Variants in RNF144A observed in about 807,000 individuals in gnomAD.
The protein encoded by RNF144A is ring finger protein 144A.
In RNF144A, 11 loss-of-function variants were observed where a neutral mutation model predicts 38.7. The observed-to-expected ratio is 0.28, with a 90% CI of 0.18 to 0.47. The LOEUF (loss-of-function observed/expected upper bound fraction) is 0.47. Among genes scored for constraint, RNF144A ranks in the 20% least tolerant of loss-of-function variants. RNF144A has a pLI of 0.99. For missense variants in RNF144A, 316 were observed against 377.2 expected, an observed-to-expected ratio of 0.84 and a Z score of 1.34; for synonymous variants, 149 against 143.9, an observed-to-expected ratio of 1.04 and a Z score of -0.25.
chr2:6,963,030 G>A lies in RNF144A; in HGVS notation c.-12+21883G>A, dbSNP rs556674173. Among the ~76,000 whole-genome samples the A allele has an allele frequency of 1.6e-4, 25 of 152,340 alleles. No homozygotes were observed. In the East Asian group the frequency reaches 1.9e-3, roughly 12 times the overall value. ...TGAAGTCGTACTTGGACTAGAATTA[G>A]GCTAAGTTATAAGTGGTGATTTGAT... On this transcript the variant is annotated intron_variant, in intron 2 of 8. Coordinates refer to ENST00000320892, the MANE Select transcript of RNF144A (RefSeq NM_014746.6).
intron 2 of RNF144A, among the ~76,000 whole-genome samples, chr2:6,969,621 C>G (rs1667874184): frequency 6.6e-6 from 1 of 152,200 alleles, no homozygotes. Context: ...CCAAAAATTC[C>G]AAAATCTGAA....
chr2:7,056,623 C>T (rs1399844619), intron 6 of RNF144A, among the ~76,000 whole-genome samples: 6 of 152,096 alleles, frequency 3.9e-5, no homozygotes, highest in Non-Finnish European at 5.9e-5. Flanking sequence ...TTCCACTTTT[C>T]GGGTTTTCAA....
intron 2 of RNF144A, among the ~76,000 whole-genome samples, chr2:6,973,459 T>C (rs982833216): frequency 2.0e-5 from 3 of 152,202 alleles, no homozygotes; most frequent in Non-Finnish European, 4.4e-5. Context: ...TAAATGCTGA[T>C]GGAAGGTGGC....
chr2:6,971,794 T>C (rs976753712), intron 2 of RNF144A, among the ~76,000 whole-genome samples: 1 of 152,172 alleles, frequency 6.6e-6, no homozygotes, highest in African/African-American at 2.4e-5. Flanking sequence ...CAACTCCCAG[T>C]TTCCAGTGAC....
At position 6,977,307 on chromosome 2, in the gene RNF144A, C is replaced by T. The variant is rs540586214; in HGVS notation, c.-11-19609C>T. Among the ~76,000 whole-genome samples, 258 of 152,336 alleles carry T rather than the reference C, an allele frequency of 1.7e-3. 1 individual carries two copies. The highest frequency in any genetic ancestry group is 3.1e-3 in the Non-Finnish European group (208 of 68,024). On this transcript the variant is annotated intron_variant, in intron 2 of 8. Coordinates refer to ENST00000320892, the MANE Select transcript of RNF144A (RefSeq NM_014746.6). The stretch of plus-strand genomic sequence containing the variant: ...GGCAGGCCCAGGGCTGGAAGCCAGG[C>T]CTCCTTGTTCCCAGGAAGGGAAAGT...
At chr2:7,013,613 T>C (rs1670953932) in intron 3 of RNF144A, among the ~76,000 whole-genome samples, 1 of 152,234 alleles carries the variant, frequency 6.6e-6, no homozygotes, top group Non-Finnish European at 1.5e-5. Flanking sequence ...CTACATCTAG[T>C]TTCTCTTGGT....
downstream of RNF144A, among the ~76,000 whole-genome samples, chr2:7,071,171 T>C (rs1674468635): frequency 1.3e-5 from 2 of 152,078 alleles, no homozygotes; most frequent in African/African-American, 4.8e-5. Flanking sequence ...CCTGACCTCA[T>C]GTGCTCCACC....
chr2:7,048,020 T>C (rs1388050675), downstream of RNF144A, among the ~76,000 whole-genome samples: 1 of 152,140 alleles, frequency 6.6e-6, no homozygotes, highest in Non-Finnish European at 1.5e-5. Flanking sequence ...GTCTCAGCCA[T>C]GTGGGGTGGT....
At chr2:7,054,419 C>T (rs533886589) in intron 6 of RNF144A, among the ~76,000 whole-genome samples, 1 of 152,234 alleles carries the variant, frequency 6.6e-6, no homozygotes, top group Admixed American at 6.5e-5. Flanking sequence ...GCAAGTCTTG[C>T]CCACACTCAG....
chr2:7,061,481 GTT>G (rs747894915), intron 6 of RNF144A, among the ~76,000 whole-genome samples: 1 of 151,898 alleles, frequency 6.6e-6, no homozygotes, highest in Non-Finnish European at 1.5e-5. Flanking sequence ...GGGTGATGAT[GTT>G]TTTTTTAATT....
chr2:6,968,559 C>T (rs1667811350), intron 2 of RNF144A, among the ~76,000 whole-genome samples: 4 of 152,320 alleles, frequency 2.6e-5, no homozygotes, highest in South Asian at 2.1e-4. Flanking sequence ...GCTGGCCCAT[C>T]GCCTGGTCTT....
chr2:7,069,332 A>G (rs1674365528), downstream of RNF144A, among the ~76,000 whole-genome samples: 1 of 152,192 alleles, frequency 6.6e-6, no homozygotes, highest in Admixed American at 6.5e-5. Context: ...TTTAGCAACA[A>G]ATTAATCCTA....
chr2:6,947,915 G>A (rs1018571864), intron 2 of RNF144A, among the ~76,000 whole-genome samples: 1 of 152,200 alleles, frequency 6.6e-6, no homozygotes, highest in Admixed American at 6.5e-5. Flanking sequence ...ATGTATTGAA[G>A]GATGGGGAAA....
rs1163911084 is a variant in RNF144A at position 6,962,013 on chromosome 2, G to A, written c.-12+20866G>A. On this transcript the variant is annotated intron_variant, in intron 2 of 8. Coordinates refer to ENST00000320892, the MANE Select transcript of RNF144A (RefSeq NM_014746.6). The surrounding 1 kb of genome is among the most constrained non-coding windows in gnomAD (Gnocchi z 4.1). ...AAGGACACGGACATACGAAGAGTGA[G>A]GTTGACAGTGGAAGTTTAATAGGTG... is the stretch of plus-strand genomic sequence containing the variant. Among the ~76,000 whole-genome samples the A allele has an allele frequency of 2.0e-5, 3 of 152,214 alleles. No individual in the cohort carries two copies. Among genetic ancestry groups the A allele is most frequent in the Non-Finnish European group, 4.4e-5 (3 of 68,038 alleles).
At chr2:7,057,183 A>C (rs1673775818) in intron 6 of RNF144A, among the ~76,000 whole-genome samples, 1 of 152,236 alleles carries the variant, frequency 6.6e-6, no homozygotes, top group Non-Finnish European at 1.5e-5. Flanking sequence ...TATATACCCT[A>C]TACAACAGAT....
At chr2:7,013,964 C>G (rs565822147) in intron 3 of RNF144A, among the ~76,000 whole-genome samples, 110 of 152,272 alleles carry the variant, frequency 7.2e-4, no homozygotes, top group African/African-American at 2.5e-3. Flanking sequence ...GCTCTGGGTA[C>G]TATTTGTGTA....
chr2:6,991,477 A>G (rs957262508), intron 2 of RNF144A, among the ~76,000 whole-genome samples: 14 of 152,178 alleles, frequency 9.2e-5, no homozygotes, highest in African/African-American at 3.1e-4. Flanking sequence ...GGTTTGTCTT[A>G]TATCTCTACA....
intron 2 of RNF144A, among the ~76,000 whole-genome samples, chr2:6,969,831 G>A (rs556071738): frequency 3.9e-5 from 6 of 152,164 alleles, no homozygotes; most frequent in East Asian, 1.9e-4. Context: ...GCATGATCTC[G>A]GCTCACTGCA....
At position 7,039,863 on chromosome 2, in the gene RNF144A, T is replaced by C; in HGVS notation, c.*103T>C. On this transcript the variant is annotated 3_prime_UTR_variant, in exon 9 of 9. Transcript: ENST00000320892. ...CACTAAACATCTTTCTTGCCTTATGTGCCCCATTGAGCTTCACAGTGTCAG... is the reference window on the plus strand; with the variant it reads ...CACTAAACATCTTTCTTGCCTTATGCGCCCCATTGAGCTTCACAGTGTCAG... 1 of 1,511,240 alleles carries C rather than the reference T, an allele frequency of 6.6e-7. No individual in the cohort carries two copies. Among genetic ancestry groups the C allele is most frequent in the South Asian group, 1.3e-5 (1 of 76,510 alleles). The allele number at this position is 1,511,240 out of a possible 1,614,324, so 93.6% of individuals were successfully genotyped here.
Sources: allele counts gnomAD v4.1 joint callset (sites outside exome capture counted in the v4.1 genomes callset), GRCh38; gene constraint gnomAD v4.1.1; non-coding constraint Gnocchi (gnomAD v3.1); transcripts MANE v1.5; gene names NCBI Gene and HGNC (gene_info 2026-07-23, HGNC 2026-07-21).